The following SLC30A7 variants were observed in gnomAD, a reference collection of about 807,000 sequenced individuals.
The protein encoded by SLC30A7 is zinc transporter 7.
Under a neutral mutation model 46.0 loss-of-function variants are expected in SLC30A7, and 35 were observed. The ratio of observed to expected loss-of-function variants is 0.76; its 90% CI spans 0.58 to 1.01. SLC30A7 has a LOEUF of 1.01. Among genes scored for constraint, SLC30A7 ranks in the 50% least tolerant of loss-of-function variants. SLC30A7 has a pLI of 0.00. For synonymous variants in SLC30A7, 147 were observed against 157.8 expected, an observed-to-expected ratio of 0.93 and a Z score of 0.51; for missense variants, 464 against 451.1, an observed-to-expected ratio of 1.03 and a Z score of -0.26.
At chr1:100,915,859 T>C (rs975266581) in intron 6 of SLC30A7, among the ~76,000 whole-genome samples, 1 of 152,208 alleles carries the variant, frequency 6.6e-6, no homozygotes, top group Non-Finnish European at 1.5e-5. Context: ...CTGTTTTCCA[T>C]AGTGTCTGCA....
chr1:100,952,073 A>C (rs1654985056), intron 8 of SLC30A7, among the ~76,000 whole-genome samples: 1 of 152,216 alleles, frequency 6.6e-6, no homozygotes, highest in Non-Finnish European at 1.5e-5. Flanking sequence ...TGACCTCTAG[A>C]TGTCACGAAA....
At chr1:100,947,246 G>A (rs1654690601) in intron 8 of SLC30A7, among the ~76,000 whole-genome samples, 1 of 152,112 alleles carries the variant, frequency 6.6e-6, no homozygotes, top group Admixed American at 6.6e-5. Context: ...CAGAGATTCT[G>A]GTACATTGTG....
chr1:100,938,205 A>G (rs1450900396), intron 8 of SLC30A7, among the ~76,000 whole-genome samples: 1 of 152,132 alleles, frequency 6.6e-6, no homozygotes, highest in African/African-American at 2.4e-5. Context: ...TTTGACTATT[A>G]TGGGTTTCTT....
intron 8 of SLC30A7, among the ~76,000 whole-genome samples, chr1:100,935,860 A>G (rs759420615): frequency 3.3e-5 from 5 of 152,144 alleles, no homozygotes; most frequent in Non-Finnish European, 7.4e-5. Flanking sequence ...TACTAAACCT[A>G]TCATTACTTT....
chr1:100,951,078 C>T (rs1261145882), intron 8 of SLC30A7, among the ~76,000 whole-genome samples: 3 of 152,068 alleles, frequency 2.0e-5, no homozygotes, highest in Non-Finnish European at 2.9e-5. Flanking sequence ...ACTCCTCAGT[C>T]GTTGGAAGAC....
downstream of SLC30A7, among the ~76,000 whole-genome samples, chr1:100,983,396 C>CA (rs760912885): frequency 3.4e-5 from 4 of 116,946 alleles, no homozygotes; most frequent in South Asian, 2.8e-4. Context: ...AAAAACAAAA[C>CA]AAAACAAAAC....
rs149982659 is a variant in SLC30A7 at position 100,946,544 on chromosome 1, A to G, written c.843-15284A>G. 6.8e-3 allele frequency among the ~76,000 whole-genome samples: 1,028 copies of G among 152,240 alleles called. 18 individuals carry two copies. The highest frequency in any genetic ancestry group is 0.022 in the African/African-American group (897 of 41,546). On this transcript the variant is annotated intron_variant, in intron 8 of 10. Transcript: ENST00000357650. ...CTTTTCTGCATCTTTTGAGATAATCATGTGGTTTTTGTAGTTGGTTCAGTT... is the reference window on the plus strand; with the variant it reads ...CTTTTCTGCATCTTTTGAGATAATCGTGTGGTTTTTGTAGTTGGTTCAGTT...
At chr1:100,912,822 G>A (rs1458612675) in intron 5 of SLC30A7, among the ~76,000 whole-genome samples, 4 of 151,264 alleles carry the variant, frequency 2.6e-5, no homozygotes, top group South Asian at 2.1e-4. Flanking sequence ...AGGTTGCAGC[G>A]AGCCGAGATC....
chr1:100,964,546 T>C (rs140182881), intron 9 of SLC30A7, among the ~76,000 whole-genome samples: 7 of 152,174 alleles, frequency 4.6e-5, no homozygotes, highest in Non-Finnish European at 5.9e-5. Flanking sequence ...TCCACGTCAC[T>C]CTGACTCTAA....
intron 8 of SLC30A7, among the ~76,000 whole-genome samples, chr1:100,931,544 T>C (rs1264165274): frequency 8.3e-6 from 1 of 120,972 alleles, no homozygotes; most frequent in Non-Finnish European, 1.9e-5. Context: ...TCACTGAGTA[T>C]TTTTTTTTAA....
chr1:100,910,967 G>C, intron 3 of SLC30A7, 96 bp from the exon 4 acceptor site: 1 of 932,044 alleles, frequency 1.1e-6, no homozygotes, highest in Non-Finnish European at 1.7e-6. Context: ...TTATAACCAT[G>C]TAATATGGTT....
At chr1:100,990,819 A>G in the SLC30A7 span, among the ~76,000 whole-genome samples, 1 of 152,242 alleles carries the variant, frequency 6.6e-6, no homozygotes, top group African/African-American at 2.4e-5. Context: ...ATTACCTAAT[A>G]TAAAAGAGTA....
At chr1:100,992,828 A>C in the SLC30A7 span, 1 of 826,150 alleles carries the variant, frequency 1.2e-6, no homozygotes, top group Non-Finnish European at 2.0e-6. Context: ...AGGTATACTC[A>C]AGTACCACAG....
At chr1:100,923,963 ACTG>A (rs1653120582) in intron 8 of SLC30A7, among the ~76,000 whole-genome samples, 1 of 152,096 alleles carries the variant, frequency 6.6e-6, no homozygotes, top group Non-Finnish European at 1.5e-5. Flanking sequence ...TGTTCACTTA[ACTG>A]CTTCTAATTC....
At chr1:100,991,561 G>A in the SLC30A7 span, among the ~76,000 whole-genome samples, 1 of 152,116 alleles carries the variant, frequency 6.6e-6, no homozygotes, top group Non-Finnish European at 1.5e-5. Flanking sequence ...GCTGAGGCAG[G>A]CGGATCGCTT....
At chr1:100,967,024 AACTGACTATTAAAG>A (rs1655907838) in intron 10 of SLC30A7, among the ~76,000 whole-genome samples, 1 of 152,250 alleles carries the variant, frequency 6.6e-6, no homozygotes. Flanking sequence ...ATAGCTATGT[AACTGACTATTAAAG>A]ACTGATTACT....
intron 8 of SLC30A7, among the ~76,000 whole-genome samples, chr1:100,934,618 G>A (rs1653843276): frequency 6.6e-6 from 1 of 151,066 alleles, no homozygotes; most frequent in Non-Finnish European, 1.5e-5. Flanking sequence ...GGAAGAAGCA[G>A]AACACATCTA....
Position 100,965,875 on chromosome 1 carries a change from A to T in SLC30A7, c.1040A>T (p.Asp347Val). 1 of 1,613,862 alleles carries T rather than the reference A, an allele frequency of 6.2e-7. No individual in the cohort carries two copies. The highest frequency in any genetic ancestry group is 8.5e-7 in the Non-Finnish European group (1 of 1,179,864). The change falls in exon 10 of 11, where the codon GAT becomes GTT. Residue 347 changes from aspartate to valine, a missense_variant. Physicochemically the swap from Asp to Val is radical, Grantham distance 152. Transcript: ENST00000357650. ...AAATTAATAGTAGCACCTGATGCTGATGCTAGGTGGATTTTAAGCCAAACA... is the reference window on the plus strand; with the variant it reads ...AAATTAATAGTAGCACCTGATGCTGTTGCTAGGTGGATTTTAAGCCAAACA... ...TLKLIVAPDA[D>V]ARWILSQTHN...
chr1:100,953,925 G>A (rs1346677582), intron 8 of SLC30A7, among the ~76,000 whole-genome samples: 7 of 152,158 alleles, frequency 4.6e-5, no homozygotes, highest in African/African-American at 1.7e-4. Context: ...TTTGAATGGA[G>A]GATAAGATAC....
Sources: allele counts gnomAD v4.1 joint callset (sites outside exome capture counted in the v4.1 genomes callset), GRCh38; gene constraint gnomAD v4.1.1; transcripts MANE v1.5; gene names NCBI Gene and HGNC (gene_info 2026-07-23, HGNC 2026-07-21).